The following CEMIP variants were observed in gnomAD, a reference collection of about 807,000 sequenced individuals.
The protein encoded by CEMIP is cell migration-inducing and hyaluronan-binding protein.
In CEMIP, 105 loss-of-function variants were observed where a neutral mutation model predicts 156.9. The ratio of observed to expected loss-of-function variants is 0.67; its 90% CI spans 0.57 to 0.79. The LOEUF is 0.79. Ranked by LOEUF, CEMIP falls within the 30% of genes least tolerant of loss-of-function variation. CEMIP has a pLI of 0.00. For synonymous variants in CEMIP, 676 were observed against 668.4 expected (o/e 1.01, Z -0.17); for missense variants, 1,457 against 1,769.4 (o/e 0.82, Z 3.17).
intron 22 of CEMIP, among the ~76,000 whole-genome samples, 159 bp from the exon 23 acceptor site, chr15:80,933,086 G>A (rs961135674): frequency 1.2e-4 from 19 of 152,210 alleles, no homozygotes; most frequent in African/African-American, 4.6e-4. Context: ...CGGTTGCATC[G>A]GAGGGGTCAG....
At chr15:80,876,792 A>T (rs1464898570) in intron 3 of CEMIP, among the ~76,000 whole-genome samples, 1 of 152,252 alleles carries the variant, frequency 6.6e-6, no homozygotes, top group Non-Finnish European at 1.5e-5. Flanking sequence ...GTTTTCCTTG[A>T]CATATATAAA....
Position 80,951,060 on chromosome 15 carries a change from G to A in CEMIP, c.*2136G>A, listed in dbSNP as rs967865011. The stretch of plus-strand genomic sequence containing the variant: ...AGATATGGCTGCTTCAAAGGCCAGA[G>A]TCACAGGAAGGACTTCTTCCAGGGA... On this transcript the variant is annotated 3_prime_UTR_variant, in exon 30 of 30. Coordinates refer to ENST00000394685, the MANE Select transcript of CEMIP (RefSeq NM_001293298.2). 4 of 152,678 alleles carry A rather than the reference G, an allele frequency of 2.6e-5. No individual in the cohort carries two copies. The highest frequency in any genetic ancestry group is 7.2e-5 in the African/African-American group (3 of 41,456). 9.5% of individuals were successfully genotyped at this position (152,678 alleles called of 1,614,324 possible). A position where few individuals can be genotyped will look rare whatever the true frequency, so the allele number is the denominator to read the frequency against.
intron 1 of CEMIP, among the ~76,000 whole-genome samples, chr15:80,822,022 T>C (rs1334857899): frequency 6.6e-6 from 1 of 152,234 alleles, no homozygotes; most frequent in African/African-American, 2.4e-5. Flanking sequence ...GTGCTATGAT[T>C]GGATCAGTTC....
intron 10 of CEMIP, among the ~76,000 whole-genome samples, chr15:80,891,509 T>G (rs1899031611): frequency 6.6e-6 from 1 of 152,222 alleles, no homozygotes; most frequent in South Asian, 2.1e-4. Flanking sequence ...TCTCCATTAT[T>G]TGAGGTTCAG....
At position 80,872,229 on chromosome 15, in the gene CEMIP, G is replaced by C. The variant is rs926576364; in HGVS notation, c.-175-1309G>C. Among the ~76,000 whole-genome samples, 3 of 152,208 alleles carry C rather than the reference G, an allele frequency of 2.0e-5. No individual in the cohort carries two copies. The South Asian group carries it at 6.2e-4, about 32-fold the overall frequency. On this transcript the variant is annotated intron_variant, in intron 1 of 29. Transcript: ENST00000394685. Reference sequence around the variant, plus strand: ...TAGATTTTGGCCCTTTTCTCAGTGTGGGAGAGTATCTGTTTGTTCCTGGGC... The same window carrying C: ...TAGATTTTGGCCCTTTTCTCAGTGTCGGAGAGTATCTGTTTGTTCCTGGGC...
intron 1 of CEMIP, among the ~76,000 whole-genome samples, chr15:80,857,301 C>A (rs1378749099): frequency 6.6e-6 from 1 of 152,202 alleles, no homozygotes; most frequent in African/African-American, 2.4e-5. Context: ...ACAGCAGGTG[C>A]CAACAAATTG....
At chr15:80,875,658 A>G (rs1170233606) in intron 3 of CEMIP, among the ~76,000 whole-genome samples, 8 of 152,078 alleles carry the variant, frequency 5.3e-5, no homozygotes. Flanking sequence ...GTAGAAGCCA[A>G]CCCTTGCTAT....
intron 28 of CEMIP, among the ~76,000 whole-genome samples, chr15:80,944,606 C>A (rs60391279): frequency 6.6e-6 from 1 of 151,956 alleles, no homozygotes. Context: ...GGGCACCTGG[C>A]GAGATTTTGG....
rs116678528 is a variant in CEMIP, at chr15:80,795,761, C to T, written c.-176+16147C>T. ...CCAGCCTGGGCAACACAGCAAGACC[C>T]CCATCTATAAGAAAAAGGAATTGCC... On this transcript the variant is annotated intron_variant, in intron 1 of 29. Coordinates refer to ENST00000394685, the MANE Select transcript of CEMIP (RefSeq NM_001293298.2). Among the ~76,000 whole-genome samples, 1,270 of 151,900 alleles carry T rather than the reference C, an allele frequency of 8.4e-3. 23 individuals carry two copies. The highest frequency in any genetic ancestry group is 0.029 in the African/African-American group (1,190 of 41,372).
At chr15:80,875,947 C>G (rs1898459910) in intron 3 of CEMIP, among the ~76,000 whole-genome samples, 1 of 152,236 alleles carries the variant, frequency 6.6e-6, no homozygotes, top group Non-Finnish European at 1.5e-5. Flanking sequence ...GATGTGTGCT[C>G]ACACAGGTCA....
chr15:80,904,473 G>C (rs1899708190), intron 12 of CEMIP, among the ~76,000 whole-genome samples: 1 of 152,196 alleles, frequency 6.6e-6, no homozygotes, highest in Non-Finnish European at 1.5e-5. Flanking sequence ...CAGTACCCAT[G>C]AATGTTAGCT....
intron 1 of CEMIP, among the ~76,000 whole-genome samples, chr15:80,807,256 G>A (rs1158907477): frequency 3.3e-5 from 5 of 150,096 alleles, no homozygotes; most frequent in African/African-American, 1.2e-4. Context: ...TTTGAGACAG[G>A]GTCTCGTTCT....
In CEMIP at chr15:80,913,678, G is replaced by C. The variant is rs114602625; in HGVS notation, c.1797+4372G>C. On this transcript the variant is annotated intron_variant, in intron 14 of 29. Transcript: ENST00000394685. ...ATTAAATAGTATTGCTTATTAAATA[G>C]TATCACTGTGTGCCTCTGTATCTAA... 1.6e-3 allele frequency among the ~76,000 whole-genome samples: 244 copies of C among 152,322 alleles called. 1 individual carries two copies. The highest frequency in any genetic ancestry group is 5.5e-3 in the African/African-American group (228 of 41,558).
At chr15:80,789,800 G>A (rs183267310) in intron 1 of CEMIP, among the ~76,000 whole-genome samples, 2 of 152,280 alleles carry the variant, frequency 1.3e-5, no homozygotes, top group Admixed American at 1.3e-4. Context: ...TGACCATGTA[G>A]TGAAGTTCAT....
chr15:80,851,882 G>A (rs977941261), intron 1 of CEMIP, among the ~76,000 whole-genome samples: 2 of 152,150 alleles, frequency 1.3e-5, no homozygotes, highest in Non-Finnish European at 2.9e-5. Flanking sequence ...CTTTGAGAAA[G>A]ACTATCCTGG....
chr15:80,892,856 C>G (rs1899077680), intron 10 of CEMIP, among the ~76,000 whole-genome samples: 1 of 152,202 alleles, frequency 6.6e-6, no homozygotes, highest in Admixed American at 6.5e-5. Context: ...ATGAAGTGTG[C>G]AGACTGAAAA....
At position 80,920,347 on chromosome 15, in the gene CEMIP, T is replaced by C. The variant is rs780472083; in HGVS notation, c.2003+48T>C. On this transcript the variant is annotated intron_variant, in intron 15 of 29. Transcript: ENST00000394685. ...GTGTGCTGGGGGGAAGGGGTGTACA[T>C]GTGTGTGCATGTGTTCACTCAGCTC... 4.6e-6 allele frequency: 7 copies of C among 1,508,830 alleles called. No homozygotes were observed. The East Asian group carries it at 1.6e-4, about 35-fold the overall frequency. 93.5% of individuals were successfully genotyped at this position (1,508,830 alleles called of 1,614,324 possible).
chr15:80,925,536 A>C, intron 18 of CEMIP, 88 bp from the exon 19 acceptor site: 1 of 1,547,888 alleles, frequency 6.5e-7, no homozygotes, highest in South Asian at 1.1e-5. Flanking sequence ...CACTGTGAGT[A>C]GAGAGAGGCT....
intron 1 of CEMIP, among the ~76,000 whole-genome samples, chr15:80,846,243 C>T (rs1897553589): frequency 6.6e-6 from 1 of 152,196 alleles, no homozygotes; most frequent in Non-Finnish European, 1.5e-5. Context: ...AACTCACCCA[C>T]ATAGGCCCGT....
Sources: gnomAD v4.1 joint callset for allele counts (sites outside exome capture counted in the v4.1 genomes callset) on GRCh38, gnomAD v4.1.1 for gene constraint, MANE v1.5 for transcripts, NCBI Gene and HGNC (gene_info 2026-07-23, HGNC 2026-07-21) for gene names.